Variants in SLC8A1 observed in about 807,000 individuals in gnomAD.
The protein encoded by SLC8A1 is solute carrier family 8 member A1, also known as sodium/calcium exchanger 1.
A neutral mutation model predicts 68.3 loss-of-function variants in SLC8A1; 18 were observed. That is an observed-to-expected ratio of 0.26 (90% confidence interval 0.18 to 0.39). The LOEUF is 0.39. SLC8A1 is among the 10% of genes least tolerant of loss of function. The pLI is 1.00. For missense variants in SLC8A1, 985 were observed against 1,156.7 expected, an observed-to-expected ratio of 0.85 and a Z score of 2.15; for synonymous variants, 475 against 415.5, an observed-to-expected ratio of 1.14 and a Z score of -1.74.
intron 4 of SLC8A1, among the ~76,000 whole-genome samples, chr2:40,170,593 T>C (rs914745064): frequency 2.6e-5 from 4 of 152,102 alleles, no homozygotes; most frequent in African/African-American, 9.7e-5. Flanking sequence ...CAAGACTGTG[T>C]CAACAAACCA....
chr2:40,449,342 T>A (rs147907452), intron 1 of SLC8A1, among the ~76,000 whole-genome samples: 1 of 152,178 alleles, frequency 6.6e-6, no homozygotes, highest in Non-Finnish European at 1.5e-5. Flanking sequence ...AAGAAATAGA[T>A]TGAATACTAA....
intron 1 of SLC8A1, among the ~76,000 whole-genome samples, chr2:40,434,184 C>A (rs1380055349): frequency 6.6e-6 from 1 of 152,126 alleles, no homozygotes; most frequent in Non-Finnish European, 1.5e-5. Context: ...AATCCATCAT[C>A]ATTATCAGAG....
At chr2:40,165,274 C>T (rs2046353852) in intron 4 of SLC8A1, among the ~76,000 whole-genome samples, 1 of 152,170 alleles carries the variant, frequency 6.6e-6, no homozygotes, top group South Asian at 2.1e-4. Flanking sequence ...TCTGCCTGTA[C>T]ATTGTCTATG....
intron 2 of SLC8A1, among the ~76,000 whole-genome samples, chr2:40,206,280 T>A (rs436245): frequency 1.3e-5 from 2 of 151,774 alleles, no homozygotes; most frequent in African/African-American, 4.8e-5. Context: ...CAGGGTACTT[T>A]CCTCAACTTC....
At chr2:40,415,414 C>T (rs1400836858) in intron 2 of SLC8A1, among the ~76,000 whole-genome samples, 1 of 148,668 alleles carries the variant, frequency 6.7e-6, no homozygotes, top group Admixed American at 6.7e-5. Context: ...ATCAATTGTT[C>T]TAATCCATAT....
rs139714669 is a variant in SLC8A1, at chr2:40,310,649, T to C, written c.1808+117824A>G. On this transcript the variant is annotated intron_variant, in intron 2 of 7. Coordinates refer to ENST00000406785, the Ensembl canonical transcript of SLC8A1. Reference sequence around the variant, plus strand: ...AGAGCTATATTCTTTAGCACCATGGTTTTGAAGATGAACAATCTGAGCTCT... The same window carrying C: ...AGAGCTATATTCTTTAGCACCATGGCTTTGAAGATGAACAATCTGAGCTCT... 6.3e-3 allele frequency among the ~76,000 whole-genome samples: 958 copies of C among 152,164 alleles called. 7 individuals carry two copies. Among genetic ancestry groups the C allele is most frequent in the African/African-American group, 0.022 (897 of 41,534 alleles).
At chr2:40,107,805 G>C (rs2034309399) in exon 8 of SLC8A1, 1 of 152,152 alleles carries the variant, frequency 6.6e-6, no homozygotes, top group South Asian at 2.1e-4. Flanking sequence ...TAGCAAGAGA[G>C]GGGACAGAGG....
chr2:40,234,886 A>G (rs1390122145), intron 2 of SLC8A1, among the ~76,000 whole-genome samples: 1 of 152,110 alleles, frequency 6.6e-6, no homozygotes, highest in Non-Finnish European at 1.5e-5. Context: ...GGCTCTGTTT[A>G]TATGCTGGAT....
chr2:40,157,514 C>A (rs1283089912), intron 6 of SLC8A1, among the ~76,000 whole-genome samples: 1 of 152,196 alleles, frequency 6.6e-6, no homozygotes, highest in African/African-American at 2.4e-5. Context: ...CTGGCACTGG[C>A]ATCCTGGTTC....
At chr2:40,149,383 G>T (rs887058376) in intron 6 of SLC8A1, among the ~76,000 whole-genome samples, 3 of 152,184 alleles carry the variant, frequency 2.0e-5, no homozygotes, top group African/African-American at 7.2e-5. Flanking sequence ...AATATAATAT[G>T]TAATAATTTC....
intron 2 of SLC8A1, 141 bp downstream of exon 2, chr2:40,428,332 G>C: frequency 7.3e-7 from 1 of 1,363,650 alleles, no homozygotes; most frequent in South Asian, 1.9e-5. Flanking sequence ...CTGATATCTT[G>C]AAAGGGATCT....
At chr2:40,439,523 G>A (rs1700095724) in intron 1 of SLC8A1, among the ~76,000 whole-genome samples, 1 of 152,120 alleles carries the variant, frequency 6.6e-6, no homozygotes, top group Non-Finnish European at 1.5e-5. Flanking sequence ...AACTGGGGAT[G>A]TTTAATACAG....
chr2:40,175,422 A>G, intron 3 of SLC8A1, 141 bp from the exon 4 acceptor site: 1 of 739,228 alleles, frequency 1.4e-6, no homozygotes. Context: ...GTATACCCCA[A>G]AGAAATATAG....
intron 2 of SLC8A1, among the ~76,000 whole-genome samples, chr2:40,420,849 A>G (rs1695304512): frequency 6.6e-6 from 1 of 152,066 alleles, no homozygotes; most frequent in Non-Finnish European, 1.5e-5. Flanking sequence ...ATAAGACTCT[A>G]TGGGAATTAC....
Position 40,153,926 on chromosome 2 carries a change from C to T in SLC8A1, c.2161+6839G>A, listed in dbSNP as rs191984468. Among the ~76,000 whole-genome samples, 823 of 152,300 alleles carry T rather than the reference C, an allele frequency of 5.4e-3. 6 individuals are homozygous for T. Among genetic ancestry groups the T allele is most frequent in the Non-Finnish European group, 9.5e-3 (644 of 68,024 alleles). Reference sequence around the variant, plus strand: ...AAACCCTTACCTTCCCCATGTGTAACTGAGATTAAAAGACTTGTTAACTTC... The same window carrying T: ...AAACCCTTACCTTCCCCATGTGTAATTGAGATTAAAAGACTTGTTAACTTC... On this transcript the variant is annotated intron_variant, in intron 6 of 7. Coordinates refer to ENST00000406785, the Ensembl canonical transcript of SLC8A1.
chr2:40,344,398 G>C (rs116464567), intron 2 of SLC8A1, among the ~76,000 whole-genome samples: 1,847 of 152,116 alleles, frequency 0.012, 41 homozygotes, highest in African/African-American at 0.043. Flanking sequence ...ACTTTTAAAG[G>C]ACTTCTATCC....
At chr2:40,349,983 A>G (rs1447357696) in intron 2 of SLC8A1, among the ~76,000 whole-genome samples, 1 of 152,160 alleles carries the variant, frequency 6.6e-6, no homozygotes, top group African/African-American at 2.4e-5. Context: ...ATTTCCAGAG[A>G]TGACTAAAAA....
At chr2:40,322,501 T>TAA (rs10708563) in intron 2 of SLC8A1, among the ~76,000 whole-genome samples, 94 of 97,308 alleles carry the variant, frequency 9.7e-4, no homozygotes, top group African/African-American at 1.5e-3. Context: ...TACAAAAGGT[T>TAA]AAAAAAAAAA....
chr2:40,301,097 C>A (rs2071377566), intron 2 of SLC8A1, among the ~76,000 whole-genome samples: 2 of 152,080 alleles, frequency 1.3e-5, no homozygotes, highest in Admixed American at 6.6e-5. Context: ...TTCAGCTTTG[C>A]ATCTTGATTT....
Sources: allele counts gnomAD v4.1 joint callset (sites outside exome capture counted in the v4.1 genomes callset), GRCh38; gene constraint gnomAD v4.1.1; transcripts MANE v1.5; gene names NCBI Gene and HGNC (gene_info 2026-07-23, HGNC 2026-07-21).